PDE11A: variants seen among roughly 807,000 people sequenced by gnomAD.
PDE11A encodes dual 3',5'-cyclic-AMP and -GMP phosphodiesterase 11A.
A neutral mutation model predicts 100.5 loss-of-function variants in PDE11A; 100 were observed. That is an observed-to-expected ratio of 1.00 (90% CI 0.85 to 1.18). The LOEUF (loss-of-function observed/expected upper bound fraction) is 1.18, where lower values mean the gene tolerates loss of function less well. PDE11A is among the 50% of genes most tolerant of loss of function. The pLI is 0.00. For missense variants in PDE11A, 1,141 were observed against 1,152.6 expected (o/e 0.99, Z 0.15); for synonymous variants, 381 against 420.8 (o/e 0.91, Z 1.16).
intron 1 of PDE11A, among the ~76,000 whole-genome samples, chr2:178,030,092 T>A (rs146939337): frequency 4.0e-5 from 6 of 151,810 alleles, no homozygotes; most frequent in African/African-American, 1.5e-4. Flanking sequence ...CAAAACTGAC[T>A]AAGACAAAAA....
chr2:177,719,627 C>T (rs547449129), intron 12 of PDE11A, among the ~76,000 whole-genome samples: 14 of 152,232 alleles, frequency 9.2e-5, no homozygotes, highest in African/African-American at 3.4e-4. Context: ...TCTGTGTCAT[C>T]GTGCCTTTGC....
intron 5 of PDE11A, among the ~76,000 whole-genome samples, chr2:177,848,442 A>T (rs2083639873): frequency 6.6e-6 from 1 of 152,138 alleles, no homozygotes; most frequent in Admixed American, 6.5e-5. Context: ...TCAGCATAAC[A>T]CTCTAATTGT....
At chr2:178,043,291 C>T (rs912470800) in intron 1 of PDE11A, among the ~76,000 whole-genome samples, 9 of 152,112 alleles carry the variant, frequency 5.9e-5, no homozygotes, top group Non-Finnish European at 1.0e-4. Flanking sequence ...GGAAATTTCT[C>T]CACTGGGTCC....
At chr2:177,647,230 G>T (rs1456621731) in intron 19 of PDE11A, among the ~76,000 whole-genome samples, 1 of 152,114 alleles carries the variant, frequency 6.6e-6, no homozygotes, top group Non-Finnish European at 1.5e-5. Flanking sequence ...GTGTAAAAAG[G>T]ATCACTTAAA....
At chr2:177,946,062 GC>G (rs1202433991) in intron 2 of PDE11A, among the ~76,000 whole-genome samples, 11 of 126,728 alleles carry the variant, frequency 8.7e-5, no homozygotes, top group African/African-American at 3.6e-4. Flanking sequence ...GGGGGGGTCA[GC>G]CCCCCGCCTG....
intron 7 of PDE11A, among the ~76,000 whole-genome samples, chr2:177,818,776 G>A (rs2083086331): frequency 6.6e-6 from 1 of 151,454 alleles, no homozygotes; most frequent in Non-Finnish European, 1.5e-5. Flanking sequence ...ATGTTTTAGG[G>A]CATGACTTCC....
chr2:177,700,990 C>T, intron 14 of PDE11A, 131 bp downstream of exon 14: 1 of 720,780 alleles, frequency 1.4e-6, no homozygotes, highest in Non-Finnish European at 2.6e-6. Flanking sequence ...TACTAAGGCC[C>T]ATTAAGTTGA....
At chr2:177,856,036 C>T (rs2083827323) in intron 5 of PDE11A, among the ~76,000 whole-genome samples, 1 of 151,576 alleles carries the variant, frequency 6.6e-6, no homozygotes, top group Admixed American at 6.6e-5. Context: ...AAAATGAAAC[C>T]TAAGTAAAAT....
intron 10 of PDE11A, among the ~76,000 whole-genome samples, chr2:177,738,940 A>G (rs2081833480): frequency 6.6e-6 from 1 of 152,230 alleles, no homozygotes; most frequent in Non-Finnish European, 1.5e-5. Context: ...TTAGCACTTT[A>G]GTGTCAAACA....
chr2:178,085,900 C>A (rs1348521804), intron 2 of PDE11A, among the ~76,000 whole-genome samples: 1 of 152,174 alleles, frequency 6.6e-6, no homozygotes, highest in Non-Finnish European at 1.5e-5. Context: ...ACAAAAAGAA[C>A]AAAAATCAAA....
chr2:177,872,873 A>G (rs540666141), intron 5 of PDE11A, among the ~76,000 whole-genome samples: 2 of 151,310 alleles, frequency 1.3e-5, no homozygotes, highest in East Asian at 3.9e-4. Context: ...GACTGAAGGA[A>G]CTCAGATCTA....
At chr2:177,706,391 C>T (rs2081280374) in intron 13 of PDE11A, among the ~76,000 whole-genome samples, 1 of 152,190 alleles carries the variant, frequency 6.6e-6, no homozygotes, top group Non-Finnish European at 1.5e-5. Context: ...TGCTATATCT[C>T]TTTATTTCTC....
chr2:178,071,842 T>C lies in PDE11A; in HGVS notation c.596A>G (p.His199Arg), dbSNP rs778745804. ...TTCCAGAAAGAACTGACGCTCATTA[T>C]GCTTTTTCAGATGGCACTTGTAGTC... is the stretch of plus-strand genomic sequence containing the variant. ...AIDYKCHLKK[H>R]NERQFFLELV... is the part of the protein sequence containing the mutation. Residue 199 changes from histidine (H) to arginine (R), a missense_variant, in exon 1 of 20, where the codon CAT becomes CGT. Coordinates refer to ENST00000286063, the MANE Select transcript of PDE11A (RefSeq NM_016953.4). 1.2e-6 allele frequency: 2 copies of C among 1,614,146 alleles called. No individual in the cohort carries two copies. Among genetic ancestry groups the C allele is most frequent in the Non-Finnish European group, 8.5e-7 (1 of 1,179,982 alleles).
intron 19 of PDE11A, among the ~76,000 whole-genome samples, chr2:177,661,308 CA>C (rs1197047644): frequency 6.6e-6 from 1 of 152,214 alleles, no homozygotes; most frequent in Non-Finnish European, 1.5e-5. Context: ...TCGATCCTCT[CA>C]GACTCCTTAT....
At chr2:177,912,015 G>A (rs1211832963) in intron 2 of PDE11A, among the ~76,000 whole-genome samples, 1 of 152,062 alleles carries the variant, frequency 6.6e-6, no homozygotes, top group Non-Finnish European at 1.5e-5. Context: ...AGAACAAGAG[G>A]GCAAATAAAA....
intron 12 of PDE11A, among the ~76,000 whole-genome samples, chr2:177,727,192 C>T (rs1379714603): frequency 6.6e-6 from 1 of 151,952 alleles, no homozygotes; most frequent in African/African-American, 2.4e-5. Flanking sequence ...CACTCTTACC[C>T]CTCTTTTCTC....
rs184783765 is a variant in PDE11A at position 178,098,151 on chromosome 2, C to T, written c.162+6151G>A. On this transcript the variant is annotated intron_variant, in intron 2 of 20. Transcript: ENST00000358450. ...TAATTCAACATAAAGCATATAAAAT[C>T]CTGAGCAATTAAAATGTCTCCCAAT... 4.0e-3 allele frequency among the ~76,000 whole-genome samples: 611 copies of T among 152,270 alleles called. 3 individuals are homozygous for T. The highest frequency in any genetic ancestry group is 0.014 in the African/African-American group (590 of 41,550).
chr2:177,680,249 G>T (rs2080842474), intron 16 of PDE11A, among the ~76,000 whole-genome samples: 1 of 152,066 alleles, frequency 6.6e-6, no homozygotes, highest in Non-Finnish European at 1.5e-5. Context: ...GAAGGATGGG[G>T]TATGAGAGAA....
intron 5 of PDE11A, among the ~76,000 whole-genome samples, chr2:177,848,560 T>C (rs1409329817): frequency 6.6e-6 from 1 of 152,242 alleles, no homozygotes; most frequent in Non-Finnish European, 1.5e-5. Flanking sequence ...TTCTCAGTGG[T>C]ATCTTGCTTC....
Sources: gnomAD v4.1 joint callset for allele counts (sites outside exome capture counted in the v4.1 genomes callset) on GRCh38, gnomAD v4.1.1 for gene constraint, MANE v1.5 for transcripts, NCBI Gene and HGNC (gene_info 2026-07-23, HGNC 2026-07-21) for gene names.